The following SYN3 variants were observed in gnomAD, a reference collection of about 807,000 sequenced individuals.
SYN3 encodes synapsin III, also known as synapsin-3.
SYN3 carries 35 observed loss-of-function variants against 65.8 expected under a neutral mutation model. The ratio of observed to expected loss-of-function variants is 0.53; its 90% CI spans 0.41 to 0.70. The LOEUF is 0.70. Ranked by LOEUF, SYN3 falls within the 30% of genes least tolerant of loss-of-function variation. The pLI, the probability that SYN3 is intolerant of heterozygous loss-of-function variation, is 0.00. For missense variants in SYN3, 680 were observed against 749.0 expected (o/e 0.91, Z 1.08); for synonymous variants, 270 against 292.9 (o/e 0.92, Z 0.80).
chr22:32,517,882 C>T (rs531011776), intron 13 of SYN3, among the ~76,000 whole-genome samples, 161 bp downstream of exon 13: 95 of 152,180 alleles, frequency 6.2e-4, no homozygotes, highest in African/African-American at 2.2e-3. Flanking sequence ...GTTGGGCCTC[C>T]CCAGCAAATT....
At chr22:32,721,623 T>C (rs1252332552) in intron 6 of SYN3, among the ~76,000 whole-genome samples, 1 of 152,336 alleles carries the variant, frequency 6.6e-6, no homozygotes, top group Non-Finnish European at 1.5e-5. Flanking sequence ...CAACTATTTA[T>C]TGAGTGCTTT....
intron 6 of SYN3, among the ~76,000 whole-genome samples, chr22:32,611,966 A>G (rs2059451535): frequency 6.6e-6 from 1 of 152,070 alleles, no homozygotes; most frequent in Admixed American, 6.6e-5. Flanking sequence ...ATAATTCTTC[A>G]TGCCTATGTG....
chr22:32,951,770 G>A (rs559435071), intron 3 of SYN3, among the ~76,000 whole-genome samples: 5 of 152,326 alleles, frequency 3.3e-5, no homozygotes, highest in East Asian at 1.9e-4. Flanking sequence ...GGTGACTCCC[G>A]TTGGAGTGTG....
In SYN3 at chr22:32,638,716, C is replaced by A. The variant is rs186276948; in HGVS notation, c.712-41980G>T. Among the ~76,000 whole-genome samples the A allele has an allele frequency of 1.1e-4, 17 of 152,232 alleles. 1 individual carries two copies. In the East Asian group the frequency reaches 2.9e-3, roughly 26 times the overall value. ...TTCTGTATAGATTCCACATATTAGA[C>A]CTTTGTCAGATGCATAGTTTGTGAA... On this transcript the variant is annotated intron_variant, in intron 6 of 13. Transcript: ENST00000358763.
In SYN3 at chr22:32,964,358, A is replaced by T. The variant is rs1569361798; in HGVS notation, c.369+16287T>A. Reference sequence around the variant, plus strand: ...TGGGTGCAGCACACCAACATGGCACATGTATACATATGTAACTAACCTGCA... The same window carrying T: ...TGGGTGCAGCACACCAACATGGCACTTGTATACATATGTAACTAACCTGCA... On this transcript the variant is annotated intron_variant, in intron 3 of 13. Coordinates refer to ENST00000358763, the MANE Select transcript of SYN3 (RefSeq NM_003490.4). Among the ~76,000 whole-genome samples, 5 of 150,856 alleles carry T rather than the reference A, an allele frequency of 3.3e-5. No homozygotes were observed. In the South Asian group the frequency reaches 1.1e-3, roughly 32 times the overall value.
At chr22:32,869,520 G>A (rs549574127) in intron 4 of SYN3, among the ~76,000 whole-genome samples, 31 of 151,988 alleles carry the variant, frequency 2.0e-4, no homozygotes, top group African/African-American at 7.5e-4. Context: ...TGCCCTAGGA[G>A]GTGAGGGTTG....
At chr22:32,628,180 C>T (rs373248295) in intron 6 of SYN3, among the ~76,000 whole-genome samples, 7 of 152,126 alleles carry the variant, frequency 4.6e-5, no homozygotes, top group Admixed American at 6.5e-5. Flanking sequence ...GCCCTGCTCT[C>T]GGCTACCAGA....
intron 6 of SYN3, among the ~76,000 whole-genome samples, chr22:32,863,533 T>C (rs989044479): frequency 6.6e-6 from 1 of 152,158 alleles, no homozygotes; most frequent in Non-Finnish European, 1.5e-5. Context: ...TCCCAGAGCT[T>C]ATAACAACCT....
intron 5 of SYN3, among the ~76,000 whole-genome samples, chr22:32,866,761 A>G (rs1041406789): frequency 6.6e-6 from 1 of 152,198 alleles, no homozygotes; most frequent in African/African-American, 2.4e-5. Context: ...AAGCCCAGTT[A>G]GGGCAGAATG....
chr22:32,517,843 C>T lies in SYN3; in HGVS notation c.1610+200G>A, dbSNP rs1442324364. On this transcript the variant is annotated intron_variant, in intron 13 of 13. Transcript: ENST00000358763. ...TGGTATGTGTATACACGGAGGGTCA[C>T]GGTGGTGTCTAATCTATACTCTCAC... 2.6e-5 allele frequency among the ~76,000 whole-genome samples: 4 copies of T among 152,090 alleles called. No individual in the cohort carries two copies. The East Asian group carries it at 5.8e-4, about 22-fold the overall frequency.
Position 32,780,102 on chromosome 22 carries a change from AAAC to A in SYN3, c.711+84810_711+84812del, listed in dbSNP as rs1265884078. ...AAAGAGAGAGAAAAAAAGAGAAAAA[AAAC>A]AGAAATGGCCTGCCCTGACTGAGCC... On this transcript the variant is annotated intron_variant, in intron 6 of 13. Coordinates refer to ENST00000358763, the MANE Select transcript of SYN3 (RefSeq NM_003490.4). Among the ~76,000 whole-genome samples the A allele has an allele frequency of 1.8e-3, 267 of 151,526 alleles. 1 individual carries two copies. In the Middle Eastern group the frequency reaches 0.021, roughly 12 times the overall value.
chr22:32,527,727 A>G (rs2058003089), intron 12 of SYN3, 191 bp downstream of exon 12: 2 of 561,640 alleles, frequency 3.6e-6, no homozygotes, highest in Admixed American at 3.4e-5. Flanking sequence ...TAATAAATTA[A>G]CCTTCTATTT....
At chr22:32,929,430 G>A (rs1457219628) in intron 4 of SYN3, among the ~76,000 whole-genome samples, 1 of 151,966 alleles carries the variant, frequency 6.6e-6, no homozygotes, top group Non-Finnish European at 1.5e-5. Context: ...CTGTCTTTGA[G>A]GTTCTGTCTC....
chr22:32,528,283 T>G (rs2058015155), intron 11 of SYN3, among the ~76,000 whole-genome samples: 1 of 152,274 alleles, frequency 6.6e-6, no homozygotes, highest in Admixed American at 6.5e-5. Context: ...GATTCTGATG[T>G]TTGTTATCAT....
At chr22:32,859,705 A>C in intron 6 of SYN3, 1 of 307,416 alleles carries the variant, frequency 3.3e-6, no homozygotes, top group Non-Finnish European at 6.1e-6. Flanking sequence ...ATGAAAAACT[A>C]CTCCATTTGA....
chr22:32,959,559 A>T (rs1601789165), intron 3 of SYN3, among the ~76,000 whole-genome samples: 1 of 151,980 alleles, frequency 6.6e-6, no homozygotes, highest in Non-Finnish European at 1.5e-5. Context: ...TCAGAAAAAA[A>T]AAAGAATTAC....
intron 6 of SYN3, among the ~76,000 whole-genome samples, chr22:32,604,731 C>T (rs746381190): frequency 1.3e-4 from 20 of 152,146 alleles, no homozygotes; most frequent in Admixed American, 6.5e-4. Context: ...CATGACTGGG[C>T]GCGGTGGCTC....
chr22:32,954,547 C>T (rs777282168), intron 3 of SYN3, among the ~76,000 whole-genome samples: 4 of 152,236 alleles, frequency 2.6e-5, no homozygotes, highest in Admixed American at 6.5e-5. Flanking sequence ...CTGCCAAATG[C>T]TCTGCAAAGT....
At chr22:32,915,566 A>G (rs1410996458) in intron 4 of SYN3, among the ~76,000 whole-genome samples, 1 of 152,232 alleles carries the variant, frequency 6.6e-6, no homozygotes, top group Admixed American at 6.5e-5. Context: ...GGGGAGAGCC[A>G]TGTTAATATC....
Sources: allele counts gnomAD v4.1 joint callset (sites outside exome capture counted in the v4.1 genomes callset), GRCh38; gene constraint gnomAD v4.1.1; transcripts MANE v1.5; gene names NCBI Gene and HGNC (gene_info 2026-07-23, HGNC 2026-07-21).